SASH1: variants seen among roughly 807,000 people sequenced by gnomAD.
SASH1 encodes SAM and SH3 domain containing 1.
In SASH1, 44 loss-of-function variants were observed where a neutral mutation model predicts 125.2. That is an observed-to-expected ratio of 0.35 (90% CI 0.28 to 0.45). The LOEUF is 0.45. SASH1 is among the 20% of genes least tolerant of loss of function. The pLI, the probability that SASH1 is intolerant of heterozygous loss-of-function variation, is 1.00. For synonymous variants in SASH1, 639 were observed against 649.1 expected, an observed-to-expected ratio of 0.98 and a Z score of 0.24; for missense variants, 1,426 against 1,614.5, an observed-to-expected ratio of 0.88 and a Z score of 2.00.
intron 1 of SASH1, chr6:148,283,210 CAA>C (rs1454102985): frequency 6.6e-6 from 1 of 152,274 alleles, no homozygotes; most frequent in Non-Finnish European, 1.5e-5. Flanking sequence ...AGGACAGGGA[CAA>C]AGAGCAGAAA....
chr6:148,296,326 A>G (rs1779763654), intron 1 of SASH1, among the ~76,000 whole-genome samples: 2 of 152,102 alleles, frequency 1.3e-5, no homozygotes, highest in Non-Finnish European at 2.9e-5. Flanking sequence ...GGGTTTCGCC[A>G]TGTTGGCCAG....
At chr6:148,481,570 G>A (rs1024377779) in intron 7 of SASH1, among the ~76,000 whole-genome samples, 8 of 152,200 alleles carry the variant, frequency 5.3e-5, no homozygotes, top group Non-Finnish European at 7.4e-5. Context: ...GCGATTGCAG[G>A]GTTATTAATT....
At chr6:148,347,381 C>T (rs539988302) in intron 1 of SASH1, among the ~76,000 whole-genome samples, 41 of 152,258 alleles carry the variant, frequency 2.7e-4, no homozygotes, top group South Asian at 8.3e-4. Context: ...AGAGATACTC[C>T]GAACCTTCCC....
chr6:148,469,365 T>C (rs1432542697), intron 5 of SASH1, among the ~76,000 whole-genome samples: 1 of 152,190 alleles, frequency 6.6e-6, no homozygotes, highest in African/African-American at 2.4e-5. Context: ...GCTATTACCA[T>C]TTATTAGGCT....
chr6:148,224,362 C>A, the SASH1 span, among the ~76,000 whole-genome samples: 1 of 147,784 alleles, frequency 6.8e-6, no homozygotes, highest in Non-Finnish European at 1.5e-5. Context: ...AGGCTTCCCC[C>A]CAGCCTTTTT....
intron 1 of SASH1, among the ~76,000 whole-genome samples, chr6:148,365,581 A>G (rs929109949): frequency 1.3e-5 from 2 of 152,100 alleles, no homozygotes; most frequent in Non-Finnish European, 2.9e-5. Flanking sequence ...TGCATCCTCC[A>G]TGATCGATCC....
At chr6:148,199,906 A>G in the SASH1 span, among the ~76,000 whole-genome samples, 2 of 152,200 alleles carry the variant, frequency 1.3e-5, no homozygotes, top group African/African-American at 4.8e-5. Context: ...GCATGTGTGA[A>G]GATGCTCATC....
intron 1 of SASH1, among the ~76,000 whole-genome samples, chr6:148,370,455 C>T (rs1419571607): frequency 6.6e-6 from 1 of 152,162 alleles, no homozygotes; most frequent in Non-Finnish European, 1.5e-5. Flanking sequence ...CTTTTCTTGT[C>T]TCTTAACAGT....
chr6:148,208,158 T>C, the SASH1 span, among the ~76,000 whole-genome samples: 1 of 152,138 alleles, frequency 6.6e-6, no homozygotes, highest in African/African-American at 2.4e-5. Flanking sequence ...CAACATGATA[T>C]GGAGCTCGCG....
At chr6:148,228,665 T>C in the SASH1 span, among the ~76,000 whole-genome samples, 1 of 152,218 alleles carries the variant, frequency 6.6e-6, no homozygotes, top group Non-Finnish European at 1.5e-5. Flanking sequence ...TACCAAGGTG[T>C]TCTTCAAGTG....
At chr6:148,358,736 T>TTG (rs1782055764) in intron 1 of SASH1, among the ~76,000 whole-genome samples, 1 of 143,208 alleles carries the variant, frequency 7.0e-6, no homozygotes, top group Admixed American at 6.9e-5. Flanking sequence ...TGTTTTTGTT[T>TTG]TTTTTTTTTT....
chr6:148,425,443 A>G (rs1235911261), intron 2 of SASH1, among the ~76,000 whole-genome samples: 1 of 152,160 alleles, frequency 6.6e-6, no homozygotes, highest in Admixed American at 6.5e-5. Context: ...TTTACCTCTT[A>G]GTTTGAGTAA....
chr6:148,218,780 C>T, the SASH1 span, among the ~76,000 whole-genome samples: 1 of 152,192 alleles, frequency 6.6e-6, no homozygotes, highest in Non-Finnish European at 1.5e-5. Context: ...TCCACACCAC[C>T]TTGTGAACCC....
At chr6:148,341,873 G>A (rs1438429745), upstream of SASH1, among the ~76,000 whole-genome samples, 1 of 152,166 alleles carries the variant, frequency 6.6e-6, no homozygotes, top group Middle Eastern at 3.4e-3. Context: ...AATGTGACGT[G>A]CATTGTCACC....
At chr6:148,446,172 G>A (rs1468810030) in intron 4 of SASH1, among the ~76,000 whole-genome samples, 4 of 135,406 alleles carry the variant, frequency 3.0e-5, no homozygotes, top group East Asian at 2.2e-4. Flanking sequence ...GCAGTGGCGC[G>A]ATCTTGGCTC....
chr6:148,321,211 G>A (rs988613750), intron 1 of SASH1, among the ~76,000 whole-genome samples: 1 of 148,642 alleles, frequency 6.7e-6, no homozygotes, highest in Non-Finnish European at 1.5e-5. Context: ...GGCCAATGTG[G>A]TGAAACACCA....
Position 148,514,322 on chromosome 6 carries a change from A to G in SASH1, c.730-2A>G. 1 of 1,598,312 alleles carries G rather than the reference A, an allele frequency of 6.3e-7. No homozygotes were observed. The highest frequency in any genetic ancestry group is 1.8e-5 in the Admixed American group (1 of 54,628). The stretch of plus-strand genomic sequence containing the variant: ...TAACTTTTTCCTTTGTTTCTTTGCC[A>G]GTCAAGAGAACAATCGGATGATGAG... On this transcript the variant is annotated splice_acceptor_variant, in intron 8 of 19. Coordinates refer to ENST00000367467, the MANE Select transcript of SASH1 (RefSeq NM_015278.5). LOFTEE classifies it high-confidence loss of function.
chr6:148,513,542 CAG>C lies in SASH1; in HGVS notation c.730-774_730-773del, dbSNP rs370651986. ...TTGTTTTTAGCCTGGGTCACTGCTG[CAG>C]AGAGAGATATTTTTCCCTCTCTCTG... On this transcript the variant is annotated intron_variant, in intron 8 of 19. Transcript: ENST00000367467. The C allele has an allele frequency of 2.0e-5, 20 of 985,456 alleles. No homozygotes were observed. The South Asian group carries it at 2.3e-4, about 12-fold the overall frequency. The allele number at this position is 985,456 out of a possible 1,614,324, so 61.0% of individuals were successfully genotyped here. A position where few individuals can be genotyped will look rare whatever the true frequency, so the allele number is the denominator to read the frequency against.
the SASH1 span, among the ~76,000 whole-genome samples, chr6:148,216,886 C>G: frequency 6.6e-5 from 10 of 151,994 alleles, no homozygotes; most frequent in African/African-American, 2.4e-4. Flanking sequence ...GCTCACCATG[C>G]CCGGCTAATT....
Sources: allele counts gnomAD v4.1 joint callset (sites outside exome capture counted in the v4.1 genomes callset), GRCh38; gene constraint gnomAD v4.1.1; transcripts MANE v1.5; gene names NCBI Gene and HGNC (gene_info 2026-07-23, HGNC 2026-07-21).